Variants in FKBP6 observed in about 807,000 individuals in gnomAD.
The protein encoded by FKBP6 is FKBP prolyl isomerase family member 6 (inactive), also known as inactive peptidyl-prolyl cis-trans isomerase FKBP6.
Under a neutral mutation model 41.7 loss-of-function variants are expected in FKBP6, and 29 were observed. The observed-to-expected ratio is 0.70, with a 90% confidence interval of 0.52 to 0.95. FKBP6 has a LOEUF of 0.95. Among genes scored for constraint, FKBP6 ranks in the 40% least tolerant of loss-of-function variants. The pLI is 0.00. For synonymous variants in FKBP6, 130 were observed against 165.1 expected, an observed-to-expected ratio of 0.79 and a Z score of 1.63; for missense variants, 338 against 408.7, an observed-to-expected ratio of 0.83 and a Z score of 1.49.
chr7:73,341,358 A>C lies in FKBP6; in HGVS notation c.869A>C (p.Asn290Thr). 1 of 1,611,338 alleles carries C rather than the reference A, an allele frequency of 6.2e-7. No homozygotes were observed. Among genetic ancestry groups the C allele is most frequent in the East Asian group, 2.2e-5 (1 of 44,864 alleles). Reference sequence around the variant, plus strand: ...GAGCAACCCTTCAATCATGACATCAATAATGAGCTGAAGAAACTGGCTAGG... The same window carrying C: ...GAGCAACCCTTCAATCATGACATCACTAATGAGCTGAAGAAACTGGCTAGG... ...QKEQPFNHDINNELKKLASCY... is the reference protein window; with the variant it reads ...QKEQPFNHDITNELKKLASCY... Residue 290 changes from asparagine to threonine, a missense_variant, in exon 7 of 9, where the codon AAT becomes ACT. Physicochemically the swap from Asn to Thr is moderately conservative, Grantham distance 65. This residue lies in a region of FKBP6 where 239 missense variants were observed against 250.1 expected (regional missense o/e 0.96). Transcript: ENST00000252037.
intron 8 of FKBP6, among the ~76,000 whole-genome samples, chr7:73,354,840 G>A (rs970743898): frequency 1.2e-4 from 19 of 152,140 alleles, no homozygotes; most frequent in Admixed American, 3.9e-4. Flanking sequence ...CTAGTTCCCC[G>A]TTGCAGGGTA....
At chr7:73,336,553 C>T in intron 5 of FKBP6, among the ~76,000 whole-genome samples, 1 of 152,046 alleles carries the variant, frequency 6.6e-6, no homozygotes, top group East Asian at 1.9e-4. Context: ...GTAAAATTTT[C>T]AGGAGTTTTG....
Position 73,331,668 on chromosome 7 carries a change from C to T in FKBP6, c.480C>T (p.Asp160=). Residue 160 remains aspartate, a synonymous_variant, in exon 5 of 9, where the codon GAC becomes GAT. Transcript: ENST00000252037. ...TCTCTGGTCCTCAGGAGCAGCAAGA[C>T]CAATTTCCACTTCAGAAGGTCCTGA... ...KFCALSAEQQ[D]QFPLQKVLKV... The T allele has an allele frequency of 6.2e-7, 1 of 1,613,986 alleles. No homozygotes were observed. The highest frequency in any genetic ancestry group is 8.5e-7 in the Non-Finnish European group (1 of 1,179,916).
chr7:73,329,898 A>G (rs1361250844), intron 3 of FKBP6: 1 of 580,450 alleles, frequency 1.7e-6, no homozygotes, highest in Non-Finnish European at 3.1e-6. Context: ...TGAAGGCATG[A>G]TTAATTCTAG....
chr7:73,331,651 C>T lies in FKBP6; in HGVS notation c.469-6C>T. On this transcript the variant is annotated splice_polypyrimidine_tract_variant and splice_region_variant and intron_variant, in intron 4 of 8. Coordinates refer to ENST00000252037, the MANE Select transcript of FKBP6 (RefSeq NM_003602.5). ...CTTGCTGAATATTCCTGTCTCTGGT[C>T]CTCAGGAGCAGCAAGACCAATTTCC... is the stretch of plus-strand genomic sequence containing the variant. 1.2e-6 allele frequency: 2 copies of T among 1,613,888 alleles called. No individual in the cohort carries two copies. The highest frequency in any genetic ancestry group is 1.7e-6 in the Non-Finnish European group (2 of 1,179,906).
rs1804757898 is a variant in FKBP6 at position 73,329,410 on chromosome 7, T to A, written c.226T>A (p.Tyr76Asn). The change falls in exon 3 of 9, where the codon TAC (tyrosine) becomes AAC (asparagine). Residue 76 changes from tyrosine (Y) to asparagine (N), a missense_variant. Around this residue, in one of 2 missense-constraint regions of FKBP6, gnomAD observed 99 missense variants for 158.6 expected, o/e 0.62. Transcript: ENST00000252037. ...EHMDRPFDSNYFRKTPRLMKL... is the reference protein window; with the variant it reads ...EHMDRPFDSNNFRKTPRLMKL... ...CATGGACAGACCCTTCGATTCTAAT[T>A]ACTTTAGGAAAACTCCTCGGCTAAT... 1 of 1,608,788 alleles carries A rather than the reference T, an allele frequency of 6.2e-7. No homozygotes were observed. The highest frequency in any genetic ancestry group is 8.5e-7 in the Non-Finnish European group (1 of 1,175,228).
At chr7:73,329,538 G>T (rs113247135) in intron 3 of FKBP6, 89 bp downstream of exon 3, 4 of 869,000 alleles carry the variant, frequency 4.6e-6, no homozygotes, top group Middle Eastern at 2.2e-4. Flanking sequence ...TGCTCAGAGC[G>T]CAGGTTCTTT....
intron 8 of FKBP6, among the ~76,000 whole-genome samples, chr7:73,355,975 G>A (rs1400730762): frequency 2.7e-5 from 4 of 149,106 alleles, no homozygotes; most frequent in Non-Finnish European, 5.9e-5. Context: ...CTGAGGCAAG[G>A]AAGTGGCTTG....
At chr7:73,329,725 T>C in intron 3 of FKBP6, 1 of 560,982 alleles carries the variant, frequency 1.8e-6, no homozygotes, top group South Asian at 2.0e-5. Context: ...AATACTTACT[T>C]CCCACAATAC....
chr7:73,346,675 G>T (rs1805341308), intron 8 of FKBP6, among the ~76,000 whole-genome samples: 1 of 152,196 alleles, frequency 6.6e-6, no homozygotes, highest in Admixed American at 6.5e-5. Context: ...ACCATCAGGT[G>T]GCAGGTGTCT....
chr7:73,354,416 C>T (rs1805572161), intron 8 of FKBP6, among the ~76,000 whole-genome samples: 1 of 152,154 alleles, frequency 6.6e-6, no homozygotes, highest in Admixed American at 6.5e-5. Flanking sequence ...AGAAGCAGGT[C>T]AGGGAGTCCC....
intron 8 of FKBP6, among the ~76,000 whole-genome samples, chr7:73,355,621 A>C (rs1237063896): frequency 3.3e-5 from 5 of 151,156 alleles, no homozygotes; most frequent in African/African-American, 9.7e-5. Context: ...GTCATTATGG[A>C]CATTTTCAAA....
At chr7:73,339,638 G>A (rs1469086582) in intron 5 of FKBP6, among the ~76,000 whole-genome samples, 2 of 146,330 alleles carry the variant, frequency 1.4e-5, no homozygotes, top group African/African-American at 5.1e-5. Flanking sequence ...TTTTGAGGTG[G>A]AGTCTTGCAC....
At chr7:73,348,402 T>A (rs1322201075) in intron 8 of FKBP6, among the ~76,000 whole-genome samples, 2 of 152,078 alleles carry the variant, frequency 1.3e-5, no homozygotes, top group Non-Finnish European at 2.9e-5. Flanking sequence ...AAAGCCAAGG[T>A]TTCCTTCTAG....
chr7:73,349,148 G>A (rs1390982735), intron 8 of FKBP6, among the ~76,000 whole-genome samples: 1 of 152,132 alleles, frequency 6.6e-6, no homozygotes, highest in East Asian at 1.9e-4. Context: ...GGTGGCTCAC[G>A]CCTGTAATCC....
chr7:73,333,694 TACTC>T (rs1285021696), intron 5 of FKBP6, among the ~76,000 whole-genome samples: 3 of 152,268 alleles, frequency 2.0e-5, no homozygotes, highest in African/African-American at 7.2e-5. Flanking sequence ...TTTCTCAACT[TACTC>T]CTTTGTTTTA....
At chr7:73,347,260 CAT>C (rs1297581656) in intron 8 of FKBP6, among the ~76,000 whole-genome samples, 1 of 152,124 alleles carries the variant, frequency 6.6e-6, no homozygotes, top group African/African-American at 2.4e-5. Flanking sequence ...ACATGTTTCA[CAT>C]GTGTTAATAT....
At chr7:73,337,683 A>AT (rs1200716782) in intron 5 of FKBP6, among the ~76,000 whole-genome samples, 36 of 150,092 alleles carry the variant, frequency 2.4e-4, no homozygotes, top group African/African-American at 4.6e-4. Context: ...GCCTTCATCC[A>AT]TTTTTTTTTG....
In FKBP6 at chr7:73,329,178, A is replaced by G. The variant is rs550220660; in HGVS notation, c.176-182A>G. 2.0e-5 allele frequency among the ~76,000 whole-genome samples: 3 copies of G among 152,232 alleles called. No individual in the cohort carries two copies. In the East Asian group the frequency reaches 5.8e-4, roughly 29 times the overall value. On this transcript the variant is annotated intron_variant, in intron 2 of 8. Transcript: ENST00000252037. ...GTGTGATGCTTCCGCAAAGCTCTTGAACCTCTGAGCCAAAGGGCCGGCACC... is the reference window on the plus strand; with the variant it reads ...GTGTGATGCTTCCGCAAAGCTCTTGGACCTCTGAGCCAAAGGGCCGGCACC...
Sources: allele counts gnomAD v4.1 joint callset (sites outside exome capture counted in the v4.1 genomes callset), GRCh38; gene constraint gnomAD v4.1.1; regional missense constraint gnomAD v4.1.1; transcripts MANE v1.5; gene names NCBI Gene and HGNC (gene_info 2026-07-23, HGNC 2026-07-21).